Variants in ADAM11 observed in about 807,000 individuals in gnomAD.
The protein encoded by ADAM11 is disintegrin and metalloproteinase domain-containing protein 11.
A neutral mutation model predicts 119.1 loss-of-function variants in ADAM11; 49 were observed. That is an observed-to-expected ratio of 0.41 (90% CI 0.33 to 0.52). The LOEUF (loss-of-function observed/expected upper bound fraction) is 0.52, where lower values mean the gene tolerates loss of function less well. ADAM11 is among the 20% of genes least tolerant of loss of function. The pLI, the probability that ADAM11 is intolerant of heterozygous loss-of-function variation, is 0.20. For synonymous variants in ADAM11, 364 were observed against 408.0 expected (o/e 0.89, Z 1.30); for missense variants, 777 against 1,047.5 (o/e 0.74, Z 3.56).
At chr17:44,769,521 C>T (rs147625426) in intron 2 of ADAM11, among the ~76,000 whole-genome samples, 197 bp from the exon 3 acceptor site, 216 of 152,366 alleles carry the variant, frequency 1.4e-3, no homozygotes, top group African/African-American at 4.8e-3. Context: ...GCACTCCTGC[C>T]TCTGCCCACT....
At position 44,771,625 on chromosome 17, in the gene ADAM11, G is replaced by T; in HGVS notation, c.423G>T (p.Gly141=). ...DHCYYQGKLR[G]NPHSFAALST... ...GCTACTACCAGGGGAAGCTCCGGGG[G>T]AACCCGCACTCCTTCGCCGCCCTCT... Residue 141 remains glycine, a synonymous_variant, in exon 5 of 27, where the codon GGG becomes GGT. Coordinates refer to ENST00000200557, the MANE Select transcript of ADAM11 (RefSeq NM_002390.6). 1 of 1,611,746 alleles carries T rather than the reference G, an allele frequency of 6.2e-7. No individual in the cohort carries two copies.
Position 44,773,425 on chromosome 17 carries a change from C to T in ADAM11, c.990C>T (p.Phe330=). 1.9e-6 allele frequency: 3 copies of T among 1,612,550 alleles called. No homozygotes were observed. The highest frequency in any genetic ancestry group is 2.5e-6 in the Non-Finnish European group (3 of 1,179,264). Residue 330 remains phenylalanine, a splice_region_variant and synonymous_variant, in exon 11 of 27, where the codon TTC becomes TTT. Coordinates refer to ENST00000200557, the MANE Select transcript of ADAM11 (RefSeq NM_002390.6). This position sits in a 1 kb window ranked among gnomAD's most constrained non-coding sequence, Gnocchi z 4.6. ...LPEPSDATHL[F]SGRTFQSTSS... ...AGCCCAGTGATGCCACCCACCTCTT[C>T]TCGTGAGTCCCCCACCCTGCACCTC...
At position 44,774,495 on chromosome 17, in the gene ADAM11, G is replaced by A. The variant is rs779724016; in HGVS notation, c.1081G>A (p.Gly361Ser). 11 of 1,612,686 alleles carry A rather than the reference G, an allele frequency of 6.8e-6. No individual in the cohort carries two copies. The highest frequency in any genetic ancestry group is 6.7e-5 in the Admixed American group (4 of 59,886). ...GCCCCATCTTCCCCACCCCCAGTAC[G>A]GCAACATGGGGGCGATGGCCGTGAC... is the stretch of plus-strand genomic sequence containing the variant. Reference protein sequence around the residue: ...LSHGGGVNEYGNMGAMAVTLA... With the variant: ...LSHGGGVNEYSNMGAMAVTLA... The change falls in exon 13 of 27, where the codon GGC becomes AGC. Residue 361 changes from glycine to serine, a missense_variant. By Grantham distance (56) the Gly-to-Ser change is moderately conservative (BLOSUM62 0). This residue lies in a region of ADAM11 where 147 missense variants were observed against 223.3 expected (regional missense o/e 0.66). Coordinates refer to ENST00000200557, the MANE Select transcript of ADAM11 (RefSeq NM_002390.6).
Position 44,778,171 on chromosome 17 carries a change from C to A in ADAM11, c.2205C>A (p.Ile735=), listed in dbSNP as rs771111128. 6.2e-7 allele frequency: 1 copy of A among 1,613,804 alleles called. No homozygotes were observed. Among genetic ancestry groups the A allele is most frequent in the East Asian group, 2.2e-5 (1 of 44,878 alleles). The change falls in exon 25 of 27, where the codon ATC becomes ATA. Residue 735 remains isoleucine, a synonymous_variant. Transcript: ENST00000200557. ...CCCCAGGTCCCAGCGGCACCAACAT[C>A]ATCATTGGCTCCATTGCTGGGGCTG... is the stretch of plus-strand genomic sequence containing the variant. ...ERYKGPSGTN[I]IIGSIAGAVL...
chr17:44,759,356 G>C, intron 1 of ADAM11, 96 bp downstream of exon 1: 1 of 1,281,052 alleles, frequency 7.8e-7, no homozygotes, highest in Non-Finnish European at 9.9e-7. Flanking sequence ...TGCAGTGCTC[G>C]GGGTGACAGC....
rs2049580805 is a variant in ADAM11 at position 44,775,117 on chromosome 17, A to T, written c.1221-95A>T. On this transcript the variant is annotated intron_variant, in intron 14 of 26. Transcript: ENST00000200557. This position sits in a 1 kb window ranked among gnomAD's most constrained non-coding sequence, Gnocchi z 7.5. ...GATCCTCCGCCTCCTCGCGATGGTGACGAAGTCCCCCAGTGTACCCCCTCC... is the reference window on the plus strand; with the variant it reads ...GATCCTCCGCCTCCTCGCGATGGTGTCGAAGTCCCCCAGTGTACCCCCTCC... 1 of 1,068,156 alleles carries T rather than the reference A, an allele frequency of 9.4e-7. No individual in the cohort carries two copies. The highest frequency in any genetic ancestry group is 1.4e-6 in the Non-Finnish European group (1 of 710,142). The allele number at this position is 1,068,156 out of a possible 1,614,324, so 66.2% of individuals were successfully genotyped here. A position where few individuals can be genotyped will look rare whatever the true frequency, so the allele number is the denominator to read the frequency against.
intron 3 of ADAM11, 72 bp downstream of exon 3, chr17:44,769,866 TG>T (rs760042782): frequency 1.4e-6 from 2 of 1,393,794 alleles, no homozygotes; most frequent in Non-Finnish European, 2.0e-6. Context: ...GCCTGGCTGC[TG>T]GGGGTCTGGG....
At position 44,774,503 on chromosome 17, in the gene ADAM11, G is replaced by A; in HGVS notation, c.1089G>A (p.Met363Ile). The A allele has an allele frequency of 6.2e-7, 1 of 1,613,046 alleles. No homozygotes were observed. Among genetic ancestry groups the A allele is most frequent in the Non-Finnish European group, 8.5e-7 (1 of 1,179,682 alleles). Residue 363 changes from methionine to isoleucine, a missense_variant, in exon 13 of 27, where the codon ATG becomes ATA. Transcript: ENST00000200557. ...HGGGVNEYGNMGAMAVTLAQT... is the reference protein window; with the variant it reads ...HGGGVNEYGNIGAMAVTLAQT... ...TTCCCCACCCCCAGTACGGCAACAT[G>A]GGGGCGATGGCCGTGACCCTTGCCC...
At position 44,773,340 on chromosome 17, in the gene ADAM11, A is replaced by G; in HGVS notation, c.905A>G (p.Gln302Arg). Residue 302 changes from glutamine (Q) to arginine (R), a missense_variant, in exon 11 of 27, where the codon CAG (glutamine) becomes CGG (arginine). Coordinates refer to ENST00000200557, the MANE Select transcript of ADAM11 (RefSeq NM_002390.6). This position sits in a 1 kb window ranked among gnomAD's most constrained non-coding sequence, Gnocchi z 4.6. ...TWADGDKIQV[Q>R]DDLLETLARL... is the part of the protein sequence containing the mutation. ...GCAGATGGGGACAAGATCCAGGTGC[A>G]GGATGACCTCCTGGAGACCCTGGCC... The G allele has an allele frequency of 6.2e-7, 1 of 1,614,082 alleles. No homozygotes were observed. The highest frequency in any genetic ancestry group is 1.1e-5 in the South Asian group (1 of 91,074).
chr17:44,765,794 TTTTG>T (rs2049443424), intron 2 of ADAM11, among the ~76,000 whole-genome samples: 1 of 152,200 alleles, frequency 6.6e-6, no homozygotes, highest in South Asian at 2.1e-4. Flanking sequence ...CTAATTTCTT[TTTTG>T]TTTGAGTAGA....
chr17:44,779,822 C>T lies in ADAM11; in HGVS notation c.*68C>T, dbSNP rs758956014. 1.3e-6 allele frequency: 2 copies of T among 1,584,810 alleles called. No individual in the cohort carries two copies. Among genetic ancestry groups the T allele is most frequent in the East Asian group, 2.2e-5 (1 of 44,688 alleles). On this transcript the variant is annotated 3_prime_UTR_variant, in exon 27 of 27. Transcript: ENST00000200557. ...CCCTGAACCACGAGGCTGCCCCCAT[C>T]CAGCCACGGAGGGAGGCACCATGCA...
rs190521361 is a variant in ADAM11 at position 44,762,466 on chromosome 17, T to C, written c.237+2569T>C. The stretch of plus-strand genomic sequence containing the variant: ...GTCTGATGGTGGATCCAGTGTGGAC[T>C]TGAGCCCGTGTGTGTCCTAGCCAGA... On this transcript the variant is annotated intron_variant, in intron 2 of 26. Coordinates refer to ENST00000200557, the MANE Select transcript of ADAM11 (RefSeq NM_002390.6). Among the ~76,000 whole-genome samples, 35 of 152,326 alleles carry C rather than the reference T, an allele frequency of 2.3e-4. 1 individual carries two copies. Among genetic ancestry groups the C allele is most frequent in the Admixed American group, 1.9e-3 (29 of 15,298 alleles).
In ADAM11 at chr17:44,759,099, C is replaced by T. The variant is rs1013533902; in HGVS notation, c.-101C>T. The T allele has an allele frequency of 8.7e-6, 3 of 343,534 alleles. No individual in the cohort carries two copies. The highest frequency in any genetic ancestry group is 1.2e-4 in the South Asian group (1 of 8,512). 21.3% of individuals were successfully genotyped at this position (343,534 alleles called of 1,614,324 possible). On this transcript the variant is annotated 5_prime_UTR_variant, in exon 1 of 27. Coordinates refer to ENST00000200557, the MANE Select transcript of ADAM11 (RefSeq NM_002390.6). Reference sequence around the variant, plus strand: ...ACCCCCGCCCGGCCCCGCGCCCCCGCCCCGGCTCCGCAGCTGGCGCCTCCC... The same window carrying T: ...ACCCCCGCCCGGCCCCGCGCCCCCGTCCCGGCTCCGCAGCTGGCGCCTCCC...
rs766717878 is a variant in ADAM11 at position 44,759,772 on chromosome 17, C to A, written c.112C>A (p.Gln38Lys). 5 of 1,325,270 alleles carry A rather than the reference C, an allele frequency of 3.8e-6. No individual in the cohort carries two copies. Among genetic ancestry groups the A allele is most frequent in the Non-Finnish European group, 4.9e-6 (5 of 1,030,134 alleles). 82.1% of individuals were successfully genotyped at this position (1,325,270 alleles called of 1,614,324 possible). ...AGALRWGGLPQLGGPGAPEVT... is the reference protein window; with the variant it reads ...AGALRWGGLPKLGGPGAPEVT... Reference sequence around the variant, plus strand: ...AGCTCTGCGATGGGGGGGCTTACCCCAGCTGGGAGGCCCAGGAGCCCCTGA... The same window carrying A: ...AGCTCTGCGATGGGGGGGCTTACCCAAGCTGGGAGGCCCAGGAGCCCCTGA... Residue 38 changes from glutamine to lysine, a missense_variant, in exon 2 of 27, where the codon CAG (glutamine) becomes AAG (lysine). This residue lies in a region of ADAM11 where 278 missense variants were observed against 310.1 expected (regional missense o/e 0.90). Coordinates refer to ENST00000200557, the MANE Select transcript of ADAM11 (RefSeq NM_002390.6).
chr17:44,760,113 C>T (rs1007267735), intron 2 of ADAM11, among the ~76,000 whole-genome samples: 3 of 152,200 alleles, frequency 2.0e-5, no homozygotes, highest in African/African-American at 7.2e-5. Flanking sequence ...GGTCCCCTGC[C>T]CTCAGTGTAC....
In ADAM11 at chr17:44,773,252, T is replaced by C. The variant is rs1204141717; in HGVS notation, c.826-9T>C. ...CTCCCACCCTCCAGCCCCCTCATCT[T>C]CTCCCCAGATATACAAGGAGCAGCT... On this transcript the variant is annotated splice_polypyrimidine_tract_variant and intron_variant, in intron 10 of 26. Coordinates refer to ENST00000200557, the MANE Select transcript of ADAM11 (RefSeq NM_002390.6). This position sits in a 1 kb window ranked among gnomAD's most constrained non-coding sequence, Gnocchi z 4.6. 6.2e-7 allele frequency: 1 copy of C among 1,612,048 alleles called. No individual in the cohort carries two copies. The highest frequency in any genetic ancestry group is 1.7e-5 in the Admixed American group (1 of 59,944).
chr17:44,777,070 A>T lies in ADAM11; in HGVS notation c.1682-96A>T, dbSNP rs768350882. ...GCCCCCAAGTGTGTAGCTCCCCAGGATCTCAGGGACCCAGGCAGAGTGTGG... is the reference window on the plus strand; with the variant it reads ...GCCCCCAAGTGTGTAGCTCCCCAGGTTCTCAGGGACCCAGGCAGAGTGTGG... On this transcript the variant is annotated intron_variant, in intron 20 of 26. Transcript: ENST00000200557. This position sits in a 1 kb window ranked among gnomAD's most constrained non-coding sequence, Gnocchi z 5.1. The T allele has an allele frequency of 1.6e-5, 25 of 1,541,706 alleles. No individual in the cohort carries two copies. The East Asian group carries it at 5.2e-4, about 32-fold the overall frequency.
In ADAM11 at chr17:44,775,563, C is replaced by T. The variant is rs1372054441; in HGVS notation, c.1393-21C>T. On this transcript the variant is annotated intron_variant, in intron 16 of 26. Coordinates refer to ENST00000200557, the MANE Select transcript of ADAM11 (RefSeq NM_002390.6). The surrounding 1 kb of genome is among the most constrained non-coding windows in gnomAD (Gnocchi z 7.5). ...GGATTAGGGCTCGCCCGCCTCCTTC[C>T]CCTCCTCCCGCGTCCCTCAGGAGTG... The T allele has an allele frequency of 1.9e-6, 3 of 1,561,624 alleles. No homozygotes were observed. Among genetic ancestry groups the T allele is most frequent in the African/African-American group, 1.4e-5 (1 of 74,002 alleles).
intron 2 of ADAM11, among the ~76,000 whole-genome samples, chr17:44,765,921 T>C (rs1437704376): frequency 1.3e-5 from 2 of 152,212 alleles, no homozygotes; most frequent in Non-Finnish European, 2.9e-5. Context: ...GGCCCAACAA[T>C]TCTGTTTTAC....
Sources: allele counts gnomAD v4.1 joint callset (sites outside exome capture counted in the v4.1 genomes callset), GRCh38; gene constraint gnomAD v4.1.1; regional missense constraint gnomAD v4.1.1; non-coding constraint Gnocchi (gnomAD v3.1); transcripts MANE v1.5; gene names NCBI Gene and HGNC (gene_info 2026-07-23, HGNC 2026-07-21).